BCAS3: variants seen among roughly 807,000 people sequenced by gnomAD.
BCAS3 encodes BCAS3 microtubule associated cell migration factor, also known as BCAS4/BCAS3 fusion.
Under a neutral mutation model 116.1 loss-of-function variants are expected in BCAS3, and 53 were observed. That is an observed-to-expected ratio of 0.46 (90% CI 0.37 to 0.57). BCAS3 has a LOEUF of 0.57. Among genes scored for constraint, BCAS3 ranks in the 20% least tolerant of loss-of-function variants. The pLI is 0.00. For synonymous variants in BCAS3, 391 were observed against 408.2 expected, an observed-to-expected ratio of 0.96 and a Z score of 0.51; for missense variants, 917 against 1,165.4, an observed-to-expected ratio of 0.79 and a Z score of 3.10.
Position 61,038,359 on chromosome 17 carries a change from T to C in BCAS3, c.1928+305T>C, listed in dbSNP as rs531075396. On this transcript the variant is annotated intron_variant, in intron 18 of 23. Coordinates refer to ENST00000407086, the MANE Select transcript of BCAS3 (RefSeq NM_017679.5). ...GTGGCGCGATCTCAGCTCAAGCGAT[T>C]CTCCTGCCTCAGCCACTTGAGTAGC... Among the ~76,000 whole-genome samples, 3 of 150,506 alleles carry C rather than the reference T, an allele frequency of 2.0e-5. 1 individual carries two copies. The highest frequency in any genetic ancestry group is 4.3e-4 in the South Asian group (2 of 4,702).
chr17:61,042,499 C>G (rs2067592509), intron 19 of BCAS3, among the ~76,000 whole-genome samples: 1 of 151,830 alleles, frequency 6.6e-6, no homozygotes, highest in South Asian at 2.1e-4. Flanking sequence ...ACAAAAATCC[C>G]CAGGTGCATA....
At chr17:60,694,467 C>T (rs1028924799) in intron 4 of BCAS3, among the ~76,000 whole-genome samples, 2 of 151,844 alleles carry the variant, frequency 1.3e-5, no homozygotes, top group Non-Finnish European at 2.9e-5. Context: ...TGCCACTGCA[C>T]TCCAGCCTGG....
rs557701014 is a variant in BCAS3 at position 60,865,210 on chromosome 17, T to A, written c.477-3366T>A. On this transcript the variant is annotated intron_variant, in intron 7 of 23. Transcript: ENST00000407086. ...CCTTCAATTTGTTAAAAAAAAAAAA[T>A]GCAATATCTGTAAAGCACAGTAAAG... Among the ~76,000 whole-genome samples, 11 of 151,366 alleles carry A rather than the reference T, an allele frequency of 7.3e-5. No homozygotes were observed. The East Asian group carries it at 2.1e-3, about 29-fold the overall frequency.
chr17:60,981,546 G>A (rs1198946516), intron 14 of BCAS3, among the ~76,000 whole-genome samples: 4 of 152,164 alleles, frequency 2.6e-5, no homozygotes, highest in Non-Finnish European at 5.9e-5. Context: ...GCTTTCCAAA[G>A]TGCTAGGATT....
chr17:61,271,633 G>GTGTT (rs1491016610), intron 22 of BCAS3, among the ~76,000 whole-genome samples: 2 of 127,452 alleles, frequency 1.6e-5, no homozygotes, highest in Non-Finnish European at 3.4e-5. Flanking sequence ...GTGTGTGTGT[G>GTGTT]TTTAGTAGAG....
chr17:61,082,540 T>A lies in BCAS3; in HGVS notation c.2328-1927T>A, dbSNP rs1223571527. On this transcript the variant is annotated intron_variant, in intron 21 of 23. Coordinates refer to ENST00000407086, the MANE Select transcript of BCAS3 (RefSeq NM_017679.5). The surrounding 1 kb of genome is among the most constrained non-coding windows in gnomAD (Gnocchi z 5.1). Reference sequence around the variant, plus strand: ...ATTATTCAGAAACCCCAATATAAATTGACTAACTATAGGAGTTGTATTAGC... The same window carrying A: ...ATTATTCAGAAACCCCAATATAAATAGACTAACTATAGGAGTTGTATTAGC... 1.3e-5 allele frequency among the ~76,000 whole-genome samples: 2 copies of A among 152,158 alleles called. No homozygotes were observed. The highest frequency in any genetic ancestry group is 4.8e-5 in the African/African-American group (2 of 41,454).
chr17:60,997,087 A>G (rs1166029714), intron 15 of BCAS3, among the ~76,000 whole-genome samples: 1 of 152,128 alleles, frequency 6.6e-6, no homozygotes, highest in Admixed American at 6.5e-5. Flanking sequence ...TTAGATTCTC[A>G]TAAGGAGTGT....
chr17:60,821,440 C>G (rs2049958919), intron 7 of BCAS3, among the ~76,000 whole-genome samples: 1 of 152,106 alleles, frequency 6.6e-6, no homozygotes, highest in Non-Finnish European at 1.5e-5. Context: ...CTTTGAAACT[C>G]TTTCTACAAA....
rs2059332096 is a variant in BCAS3 at position 61,376,197 on chromosome 17, T to A, written c.2593+7703T>A. On this transcript the variant is annotated intron_variant, in intron 23 of 23. Transcript: ENST00000407086. This position sits in a 1 kb window ranked among gnomAD's most constrained non-coding sequence, Gnocchi z 4.5. ...ACATGTGTTATGTGGGCCTCTCAGG[T>A]CCCTTTCCCAAACCTGAGATTCTCT... Among the ~76,000 whole-genome samples the A allele has an allele frequency of 6.6e-6, 1 of 152,176 alleles. No individual in the cohort carries two copies. Among genetic ancestry groups the A allele is most frequent in the Non-Finnish European group, 1.5e-5 (1 of 68,034 alleles).
chr17:61,265,183 G>A lies in BCAS3; in HGVS notation c.2426-103144G>A, dbSNP rs1033911263. ...AATCCCAGCACTTTGGGAGCCTGAG[G>A]CAGGCAGATCACCTGAGGTTGCGAG... On this transcript the variant is annotated intron_variant, in intron 22 of 23. Coordinates refer to ENST00000407086, the MANE Select transcript of BCAS3 (RefSeq NM_017679.5). This position sits in a 1 kb window ranked among gnomAD's most constrained non-coding sequence, Gnocchi z 4.3. Among the ~76,000 whole-genome samples the A allele has an allele frequency of 4.6e-5, 7 of 152,308 alleles. 1 individual carries two copies. In the South Asian group the frequency reaches 1.2e-3, roughly 27 times the overall value.
intron 23 of BCAS3, among the ~76,000 whole-genome samples, chr17:61,375,672 C>A (rs934129020): frequency 6.6e-6 from 1 of 151,670 alleles, no homozygotes; most frequent in Non-Finnish European, 1.5e-5. Context: ...CATCATGTTC[C>A]AGCGATTCTC....
intron 22 of BCAS3, among the ~76,000 whole-genome samples, chr17:61,232,401 TGG>T (rs141765216): frequency 6.6e-6 from 1 of 150,582 alleles, no homozygotes; most frequent in Non-Finnish European, 1.5e-5. Flanking sequence ...AAAAAAAAGG[TGG>T]GGGGTGGGGA....
At chr17:60,931,258 AAATT>A (rs539737864) in intron 13 of BCAS3, among the ~76,000 whole-genome samples, 103 of 152,228 alleles carry the variant, frequency 6.8e-4, no homozygotes, top group African/African-American at 2.2e-3. Context: ...ACTTTAAAAA[AAATT>A]AATAAACTTT....
At chr17:61,191,964 T>C (rs549050588) in intron 22 of BCAS3, among the ~76,000 whole-genome samples, 1 of 149,882 alleles carries the variant, frequency 6.7e-6, no homozygotes, top group East Asian at 2.0e-4. Flanking sequence ...CAGTTTAGAG[T>C]CCGGGCATGG....
intron 22 of BCAS3, among the ~76,000 whole-genome samples, chr17:61,179,562 A>ATATT (rs1193403079): frequency 6.6e-6 from 1 of 152,264 alleles, no homozygotes; most frequent in South Asian, 2.1e-4. Flanking sequence ...AAGAGTTAAT[A>ATATT]AACACCAAGA....
intron 9 of BCAS3, among the ~76,000 whole-genome samples, chr17:60,886,635 C>A (rs1384767245): frequency 2.0e-5 from 3 of 151,518 alleles, no homozygotes; most frequent in Admixed American, 2.0e-4. Context: ...TGTGGATGTC[C>A]TTTCTGTTTG....
Position 61,083,549 on chromosome 17 carries a change from G to A in BCAS3, c.2328-918G>A, listed in dbSNP as rs1397747026. 1.3e-5 allele frequency among the ~76,000 whole-genome samples: 2 copies of A among 151,302 alleles called. No homozygotes were observed. The highest frequency in any genetic ancestry group is 2.9e-5 in the Non-Finnish European group (2 of 67,910). ...TTATGTTAATAGTATTTATTCTAAT[G>A]CAGCTAGAAAGAGACACTCGGCATT... On this transcript the variant is annotated intron_variant, in intron 21 of 23. Transcript: ENST00000407086. The surrounding 1 kb of genome is among the most constrained non-coding windows in gnomAD (Gnocchi z 4.9).
At chr17:60,840,972 G>T (rs1159006866) in intron 7 of BCAS3, among the ~76,000 whole-genome samples, 1 of 152,138 alleles carries the variant, frequency 6.6e-6, no homozygotes, top group Non-Finnish European at 1.5e-5. Context: ...AAATGTTAGT[G>T]TGTTACAGAA....
intron 11 of BCAS3, among the ~76,000 whole-genome samples, chr17:60,909,158 C>T (rs149712698): frequency 6.6e-4 from 101 of 152,174 alleles, no homozygotes; most frequent in African/African-American, 2.4e-3. Flanking sequence ...GAAAAGCCAC[C>T]GTGGAAACAT....
Sources: gnomAD v4.1 joint callset for allele counts (sites outside exome capture counted in the v4.1 genomes callset) on GRCh38, gnomAD v4.1.1 for gene constraint, Gnocchi (gnomAD v3.1) non-coding constraint, MANE v1.5 for transcripts, NCBI Gene and HGNC (gene_info 2026-07-23, HGNC 2026-07-21) for gene names.